Variants in TBX5 observed in about 807,000 individuals in gnomAD.
TBX5 encodes the protein T-box transcription factor 5.
A neutral mutation model predicts 51.1 loss-of-function variants in TBX5; 8 were observed. The observed-to-expected ratio is 0.16, with a 90% CI of 0.09 to 0.28. The LOEUF is 0.28. Among genes scored for constraint, TBX5 ranks in the 10% least tolerant of loss-of-function variants. The pLI is 1.00. For missense variants in TBX5, 589 were observed against 671.7 expected (o/e 0.88, Z 1.36); for synonymous variants, 302 against 266.4 (o/e 1.13, Z -1.30).
intron 7 of TBX5, among the ~76,000 whole-genome samples, chr12:114,371,756 G>A (rs1869923614): frequency 6.6e-6 from 1 of 151,906 alleles, no homozygotes; most frequent in Admixed American, 6.6e-5. Context: ...ATTAAAAAGG[G>A]GGCCACATCA....
rs1355228850 is a variant in TBX5, at chr12:114,384,741, ACAC to A, written c.755+732_755+734del. 4.6e-5 allele frequency among the ~76,000 whole-genome samples: 6 copies of A among 130,924 alleles called. No individual in the cohort carries two copies. The East Asian group carries it at 1.0e-3, about 22-fold the overall frequency. The allele number at this position is 130,924 out of a possible 152,430, so 85.9% of individuals were successfully genotyped here. On this transcript the variant is annotated intron_variant, in intron 7 of 8. Coordinates refer to ENST00000405440, the MANE Select transcript of TBX5 (RefSeq NM_181486.4). ...CACACACACACACACACACACACAC[ACAC>A]AACACACACACACAAACCTTCTTGG...
rs1872204605 is a variant in TBX5, at chr12:114,406,126, TCG to T, written c.-539_-538del. ...CTGAGCACAGTGACGTTGGGTTGCC[TCG>T]ATGCTCACAAAGTACTGAAATCGCC... On this transcript the variant is annotated 5_prime_UTR_variant, in exon 1 of 9. Transcript: ENST00000405440. 11 of 722,836 alleles carry T rather than the reference TCG, an allele frequency of 1.5e-5. No homozygotes were observed. The highest frequency in any genetic ancestry group is 7.0e-4 in the Middle Eastern group (1 of 1,420). The allele number at this position is 722,836 out of a possible 1,614,324, so 44.8% of individuals were successfully genotyped here. A position where few individuals can be genotyped will look rare whatever the true frequency, so the allele number is the denominator to read the frequency against.
intron 8 of TBX5, among the ~76,000 whole-genome samples, chr12:114,364,550 G>T (rs948427825): frequency 2.0e-5 from 3 of 152,144 alleles, no homozygotes; most frequent in African/African-American, 7.2e-5. Flanking sequence ...CATCCTGATT[G>T]ATTCTACAGA....
chr12:114,381,522 A>G (rs1220296381), intron 7 of TBX5, among the ~76,000 whole-genome samples: 1 of 152,166 alleles, frequency 6.6e-6, no homozygotes, highest in Non-Finnish European at 1.5e-5. Context: ...TTTCCTCCAA[A>G]TTAGTTAAAT....
chr12:114,365,995 T>G, intron 8 of TBX5, 170 bp downstream of exon 8: 1 of 811,708 alleles, frequency 1.2e-6, no homozygotes, highest in Non-Finnish European at 2.1e-6. Flanking sequence ...CAAGGGAACT[T>G]TTTGTTTTAG....
chr12:114,394,708 C>T (rs766580586), intron 6 of TBX5, 33 bp downstream of exon 6: 13 of 1,613,170 alleles, frequency 8.1e-6, no homozygotes, highest in Admixed American at 1.7e-5. Flanking sequence ...GAGCAGACGG[C>T]CCCAGGCACT....
intron 6 of TBX5, among the ~76,000 whole-genome samples, chr12:114,392,692 A>G (rs868316738): frequency 1.4e-5 from 2 of 146,956 alleles, no homozygotes; most frequent in African/African-American, 5.1e-5. Flanking sequence ...GTATATACAT[A>G]TATAGGAAGA....
chr12:114,354,003 A>C lies in TBX5; in HGVS notation c.*1529T>G, dbSNP rs1868724688. 6.6e-6 allele frequency: 1 copy of C among 152,176 alleles called. No individual in the cohort carries two copies. The highest frequency in any genetic ancestry group is 2.4e-5 in the African/African-American group (1 of 41,276). 9.4% of individuals were successfully genotyped at this position (152,176 alleles called of 1,614,324 possible). On this transcript the variant is annotated 3_prime_UTR_variant, in exon 9 of 9. Coordinates refer to ENST00000405440, the MANE Select transcript of TBX5 (RefSeq NM_181486.4). ...TATAAGGCACGAGTACTTAATCCTC[A>C]CCCTCCCCCCTTAGCAACGTAAAGA...
Position 114,403,265 on chromosome 12 carries a change from C to CGGAGGAGGCA in TBX5, c.147+477_147+486dup, listed in dbSNP as rs893013860. ...CGGCGCGCGGGTCTAGTCGGCGGCG[C>CGGAGGAGGCA]GGAGGAGGCAGGAGGAGGCAGGAGG... is the stretch of plus-strand genomic sequence containing the variant. On this transcript the variant is annotated intron_variant, in intron 2 of 8. Coordinates refer to ENST00000405440, the MANE Select transcript of TBX5 (RefSeq NM_181486.4). Among the ~76,000 whole-genome samples, 58 of 152,152 alleles carry CGGAGGAGGCA rather than the reference C, an allele frequency of 3.8e-4. 1 individual carries two copies. The highest frequency in any genetic ancestry group is 2.4e-3 in the Admixed American group (36 of 15,274).
chr12:114,401,166 C>G (rs1209920690), intron 3 of TBX5, among the ~76,000 whole-genome samples: 1 of 152,216 alleles, frequency 6.6e-6, no homozygotes, highest in African/African-American at 2.4e-5. Flanking sequence ...GCATTTCTAG[C>G]TAAAACTCTG....
intron 7 of TBX5, among the ~76,000 whole-genome samples, chr12:114,367,230 GA>G (rs2136374786): frequency 1.1e-5 from 1 of 93,572 alleles, no homozygotes; most frequent in African/African-American, 4.2e-5. Flanking sequence ...TAAAAAGAAA[GA>G]AAGAAAAAAG....
At chr12:114,402,816 G>GAA (rs5801054) in intron 2 of TBX5, among the ~76,000 whole-genome samples, 1 of 149,968 alleles carries the variant, frequency 6.7e-6, no homozygotes, top group African/African-American at 2.4e-5. Flanking sequence ...TTCCTTAAAA[G>GAA]AAAAAAAAAA....
intron 7 of TBX5, among the ~76,000 whole-genome samples, chr12:114,366,733 C>G (rs1869562132): frequency 6.6e-6 from 1 of 152,146 alleles, no homozygotes; most frequent in Non-Finnish European, 1.5e-5. Flanking sequence ...CTATGTATGT[C>G]TTTAAATTCC....
rs992969242 is a variant in TBX5, at chr12:114,405,642, C to G, written c.-53G>C. 1.1e-6 allele frequency: 1 copy of G among 935,540 alleles called. No homozygotes were observed. Among genetic ancestry groups the G allele is most frequent in the African/African-American group, 1.8e-5 (1 of 56,194 alleles). The allele number at this position is 935,540 out of a possible 1,614,324, so 58.0% of individuals were successfully genotyped here. ...GGGACGGTTACCTCGTTCGGTGAAG[C>G]CGGTGCATTCACCACATCCTCTGCT... On this transcript the variant is annotated 5_prime_UTR_variant, in exon 1 of 9. Transcript: ENST00000405440.
intron 7 of TBX5, among the ~76,000 whole-genome samples, chr12:114,379,588 C>T (rs1870394682): frequency 6.6e-6 from 1 of 152,150 alleles, no homozygotes; most frequent in South Asian, 2.1e-4. Flanking sequence ...ACACACGTTA[C>T]CTCATTTCAT....
chr12:114,366,581 A>G (rs1869555079), intron 7 of TBX5, among the ~76,000 whole-genome samples, 190 bp from the exon 8 acceptor site: 1 of 152,146 alleles, frequency 6.6e-6, no homozygotes, highest in Non-Finnish European at 1.5e-5. Context: ...TTGGGTACTA[A>G]TTTTTCATGC....
chr12:114,381,084 T>C (rs1870480976), intron 7 of TBX5, among the ~76,000 whole-genome samples: 1 of 152,062 alleles, frequency 6.6e-6, no homozygotes, highest in South Asian at 2.1e-4. Context: ...CTAGAAACCA[T>C]TAAAAAATGT....
chr12:114,401,496 C>G (rs1565942285), intron 3 of TBX5, among the ~76,000 whole-genome samples: 1 of 152,176 alleles, frequency 6.6e-6, no homozygotes, highest in Non-Finnish European at 1.5e-5. Flanking sequence ...TCCCTCTTCT[C>G]TCTTTCCCTC....
intron 8 of TBX5, among the ~76,000 whole-genome samples, chr12:114,362,162 T>G (rs1869276561): frequency 6.6e-6 from 1 of 152,140 alleles, no homozygotes; most frequent in Non-Finnish European, 1.5e-5. Context: ...CACCATCTCC[T>G]GTTTCAGACC....
Sources: gnomAD v4.1 joint callset for allele counts (sites outside exome capture counted in the v4.1 genomes callset) on GRCh38, gnomAD v4.1.1 for gene constraint, MANE v1.5 for transcripts, NCBI Gene and HGNC (gene_info 2026-07-23, HGNC 2026-07-21) for gene names.